SLAIN2: variants seen among roughly 807,000 people sequenced by gnomAD.
SLAIN2 encodes the protein SLAIN motif-containing protein 2.
SLAIN2 carries 31 observed loss-of-function variants against 56.6 expected under a neutral mutation model. The observed-to-expected ratio is 0.55, with a 90% CI of 0.41 to 0.74. The LOEUF is 0.74. Ranked by LOEUF, SLAIN2 falls within the 30% of genes least tolerant of loss-of-function variation. SLAIN2 has a pLI of 0.00. For synonymous variants in SLAIN2, 317 were observed against 284.9 expected (o/e 1.11, Z -1.13); for missense variants, 777 against 754.2 (o/e 1.03, Z -0.35).
intron 1 of SLAIN2, among the ~76,000 whole-genome samples, chr4:48,346,835 C>CTTT (rs71191209): frequency 9.1e-4 from 116 of 127,976 alleles, no homozygotes; most frequent in African/African-American, 3.3e-3. Flanking sequence ...TTCTATTTCC[C>CTTT]TTTTTTTTTT....
rs564122258 is a variant in SLAIN2 at position 48,382,466 on chromosome 4, C to G, written c.863-102C>G. The G allele has an allele frequency of 3.5e-5, 43 of 1,220,576 alleles. No individual in the cohort carries two copies. The African/African-American group carries it at 6.2e-4, about 18-fold the overall frequency. The allele number at this position is 1,220,576 out of a possible 1,614,324, so 75.6% of individuals were successfully genotyped here. A position where few individuals can be genotyped will look rare whatever the true frequency, so the allele number is the denominator to read the frequency against. On this transcript the variant is annotated intron_variant, in intron 4 of 7. Transcript: ENST00000264313. Reference sequence around the variant, plus strand: ...AAAGGGAGTTTTCTTTTACACTTTACACCCTCTTTGAATTTTTCAGTGATA... The same window carrying G: ...AAAGGGAGTTTTCTTTTACACTTTAGACCCTCTTTGAATTTTTCAGTGATA...
chr4:48,383,545 C>A, intron 5 of SLAIN2, 102 bp from the exon 6 acceptor site: 290 of 938,764 alleles, frequency 3.1e-4, no homozygotes, highest in East Asian at 5.7e-4. Flanking sequence ...CTAAAATAAA[C>A]AGAATGTTTG....
chr4:48,396,126 A>G (rs1468181400), intron 6 of SLAIN2, among the ~76,000 whole-genome samples: 6 of 152,082 alleles, frequency 3.9e-5, no homozygotes, highest in Non-Finnish European at 8.8e-5. Flanking sequence ...AAATTTGCCT[A>G]TAGGGGTTAC....
intron 6 of SLAIN2, among the ~76,000 whole-genome samples, chr4:48,402,687 C>T (rs2109778142): frequency 6.6e-6 from 1 of 152,268 alleles, no homozygotes; most frequent in African/African-American, 2.4e-5. Context: ...AGCTTCTTTG[C>T]ATTGGGCTCA....
intron 6 of SLAIN2, among the ~76,000 whole-genome samples, chr4:48,391,304 G>A (rs1716231359): frequency 6.6e-6 from 1 of 152,104 alleles, no homozygotes; most frequent in South Asian, 2.1e-4. Context: ...CTGTATCAGG[G>A]GAGACTTTAA....
At chr4:48,406,478 T>C (rs1194287335) in intron 6 of SLAIN2, among the ~76,000 whole-genome samples, 2 of 151,976 alleles carry the variant, frequency 1.3e-5, no homozygotes, top group African/African-American at 4.8e-5. Flanking sequence ...ACATACAATA[T>C]GTTTACTGAA....
chr4:48,389,370 T>C (rs1716174858), intron 6 of SLAIN2, among the ~76,000 whole-genome samples: 2 of 152,236 alleles, frequency 1.3e-5, no homozygotes. Flanking sequence ...ACCCTGACTT[T>C]GGTGGACCTT....
At chr4:48,396,317 CCTTA>C (rs1481357078) in intron 6 of SLAIN2, among the ~76,000 whole-genome samples, 1 of 151,970 alleles carries the variant, frequency 6.6e-6, no homozygotes, top group East Asian at 1.9e-4. Context: ...TTGTTTAATC[CCTTA>C]CTTATTTAAA....
intron 1 of SLAIN2, among the ~76,000 whole-genome samples, chr4:48,354,329 T>G (rs1715094831): frequency 6.6e-6 from 1 of 152,168 alleles, no homozygotes; most frequent in Non-Finnish European, 1.5e-5. Flanking sequence ...TAAACTGTTG[T>G]AAGTGATATA....
At chr4:48,395,496 A>AT (rs1327207563) in intron 6 of SLAIN2, among the ~76,000 whole-genome samples, 2 of 152,112 alleles carry the variant, frequency 1.3e-5, no homozygotes, top group African/African-American at 4.8e-5. Context: ...AAGTGCTATA[A>AT]TAGAAGTTTT....
intron 1 of SLAIN2, among the ~76,000 whole-genome samples, chr4:48,343,839 T>A (rs1714792146): frequency 6.6e-6 from 1 of 152,184 alleles, no homozygotes; most frequent in Non-Finnish European, 1.5e-5. Flanking sequence ...GTAGTGACAG[T>A]TTTTGATATA....
chr4:48,409,046 T>A (rs1285787617), intron 6 of SLAIN2, among the ~76,000 whole-genome samples: 9 of 152,328 alleles, frequency 5.9e-5, no homozygotes, highest in African/African-American at 1.9e-4. Flanking sequence ...AGACTATTTT[T>A]AAAAATTTTT....
chr4:48,370,923 G>A (rs988975795), intron 2 of SLAIN2, among the ~76,000 whole-genome samples: 2 of 152,094 alleles, frequency 1.3e-5, no homozygotes, highest in African/African-American at 4.8e-5. Context: ...GGAAGCAGAG[G>A]GGACAGTTAA....
intron 6 of SLAIN2, among the ~76,000 whole-genome samples, chr4:48,397,477 A>G (rs975137767): frequency 5.9e-5 from 9 of 152,130 alleles, no homozygotes; most frequent in African/African-American, 2.2e-4. Flanking sequence ...TTTATAGAAG[A>G]CCTTAATGAT....
At chr4:48,392,456 C>CT (rs990519432) in intron 6 of SLAIN2, among the ~76,000 whole-genome samples, 2 of 151,938 alleles carry the variant, frequency 1.3e-5, no homozygotes, top group Non-Finnish European at 2.9e-5. Flanking sequence ...CCTTATTAAA[C>CT]TTTTTTTTAA....
intron 6 of SLAIN2, among the ~76,000 whole-genome samples, chr4:48,412,420 C>A (rs202183719): frequency 2.2e-4 from 30 of 136,948 alleles, no homozygotes; most frequent in South Asian, 4.5e-4. Context: ...ACACACATTC[C>A]CTCTCTCTCT....
Position 48,341,718 on chromosome 4 carries a change from C to T in SLAIN2, c.-22C>T, listed in dbSNP as rs933512521. On this transcript the variant is annotated 5_prime_UTR_variant, in exon 1 of 8. Coordinates refer to ENST00000264313, the MANE Select transcript of SLAIN2 (RefSeq NM_020846.2). The stretch of plus-strand genomic sequence containing the variant: ...TGCGAGAGCGAGCGGGCGGCGGAGG[C>T]GGCGGCGGCGGCGGGGCCGGGATGG... 6.8e-6 allele frequency: 10 copies of T among 1,467,878 alleles called. No individual in the cohort carries two copies. The highest frequency in any genetic ancestry group is 2.8e-5 in the East Asian group (1 of 35,988). 90.9% of individuals were successfully genotyped at this position (1,467,878 alleles called of 1,614,324 possible). A position where few individuals can be genotyped will look rare whatever the true frequency, so the allele number is the denominator to read the frequency against.
intron 6 of SLAIN2, among the ~76,000 whole-genome samples, chr4:48,394,140 T>G (rs982200200): frequency 6.6e-6 from 1 of 152,216 alleles, no homozygotes; most frequent in African/African-American, 2.4e-5. Flanking sequence ...GTATGCAGAT[T>G]ATGGTTTCAC....
chr4:48,385,381 G>C (rs1301545933), intron 6 of SLAIN2, among the ~76,000 whole-genome samples: 1 of 152,068 alleles, frequency 6.6e-6, no homozygotes, highest in Admixed American at 6.5e-5. Context: ...CATATTCACT[G>C]GGGTCCTTGT....
Sources: gnomAD v4.1 joint callset for allele counts (sites outside exome capture counted in the v4.1 genomes callset) on GRCh38, gnomAD v4.1.1 for gene constraint, MANE v1.5 for transcripts, NCBI Gene and HGNC (gene_info 2026-07-23, HGNC 2026-07-21) for gene names.